ZNF479: variants seen among roughly 807,000 people sequenced by gnomAD.
ZNF479 encodes the protein zinc finger protein 479, also known as KRAB zinc finger protein KR19.
Under a neutral mutation model 14.7 loss-of-function variants are expected in ZNF479, and 15 were observed. The ratio of observed to expected loss-of-function variants is 1.02; its 90% CI spans 0.68 to 1.57. The LOEUF (loss-of-function observed/expected upper bound fraction) is 1.57, where lower values mean the gene tolerates loss of function less well. Among genes scored for constraint, ZNF479 ranks in the 40% most tolerant of loss-of-function variants. The probability of loss-of-function intolerance (pLI) is 0.00; values close to 1 mark genes in which losing one functional copy is unlikely to be tolerated. For synonymous variants in ZNF479, 145 were observed against 211.5 expected, an observed-to-expected ratio of 0.69 and a Z score of 2.73; for missense variants, 506 against 615.1, an observed-to-expected ratio of 0.82 and a Z score of 1.88.
chr7:57,121,649 G>T (rs1401551538), intron 3 of ZNF479, among the ~76,000 whole-genome samples: 1 of 152,194 alleles, frequency 6.6e-6, no homozygotes, highest in Non-Finnish European at 1.5e-5. Flanking sequence ...CTGAGAACAT[G>T]TTTGTGAGAA....
Position 57,121,134 on chromosome 7 carries a change from G to A in ZNF479, c.281C>T (p.Thr94Ile), listed in dbSNP as rs1301715862. 6.2e-7 allele frequency: 1 copy of A among 1,613,622 alleles called. No homozygotes were observed. The highest frequency in any genetic ancestry group is 1.3e-5 in the African/African-American group (1 of 74,828). ...AKHPVTRSHFTQDLQPEQGIK... is the reference protein window; with the variant it reads ...AKHPVTRSHFIQDLQPEQGIK... ...GCCCTGCTCTGGCTGAAGGTCTTGG[G>A]TGAAATGGGAACGCGTAACTGAAAG... Residue 94 changes from threonine to isoleucine, a missense_variant, in exon 4 of 4, where the codon ACC becomes ATC. Transcript: ENST00000319636.
intron 3 of ZNF479, among the ~76,000 whole-genome samples, chr7:57,124,900 CCCA>C (rs1197054694): frequency 1.3e-5 from 2 of 152,074 alleles, no homozygotes; most frequent in Non-Finnish European, 1.5e-5. Flanking sequence ...CATGGTGAAA[CCCA>C]CCACTACTAT....
intron 1 of ZNF479, among the ~76,000 whole-genome samples, chr7:57,132,068 C>T (rs1786451368): frequency 6.6e-6 from 1 of 152,130 alleles, no homozygotes; most frequent in Non-Finnish European, 1.5e-5. Context: ...CAGGGTAAAG[C>T]CACTGCAGAG....
upstream of ZNF479, among the ~76,000 whole-genome samples, chr7:57,134,208 T>A (rs181710260): frequency 2.9e-3 from 434 of 152,228 alleles, no homozygotes; most frequent in Middle Eastern, 0.014. Flanking sequence ...AAATAGAAGA[T>A]TGGCACGAGA....
rs1562844352 is a variant in ZNF479 at position 57,119,862 on chromosome 7, T to C, written c.1553A>G (p.Glu518Gly). ...ATATTATTCACATTTGTAGGGTTTC[T>C]CTCCAGTGTGAATTATCTTATGTTT... ...LAKHKIIHTG[E>G]KPYKCE The change falls in exon 4 of 4, where the codon GAG becomes GGG. Residue 518 changes from glutamate to glycine, a missense_variant. Physicochemically the swap from Glu to Gly is moderately conservative, Grantham distance 98. Around this residue, in one of 3 missense-constraint regions of ZNF479, gnomAD observed 72 missense variants for 97.6 expected, o/e 0.74. Coordinates refer to ENST00000319636, the MANE Select transcript of ZNF479 (RefSeq NM_001370129.2). 6.2e-7 allele frequency: 1 copy of C among 1,613,330 alleles called. No homozygotes were observed. Among genetic ancestry groups the C allele is most frequent in the Non-Finnish European group, 8.5e-7 (1 of 1,179,584 alleles).
At chr7:57,137,889 C>T (rs1430199636) in intron 1 of ZNF479, among the ~76,000 whole-genome samples, 1 of 152,160 alleles carries the variant, frequency 6.6e-6, no homozygotes, top group Non-Finnish European at 1.5e-5. Context: ...TTAGGACCAT[C>T]ACCTATGTTA....
In ZNF479 at chr7:57,124,670, C is replaced by T. The variant is rs555943991; in HGVS notation, c.262+1348G>A. 1.3e-4 allele frequency among the ~76,000 whole-genome samples: 20 copies of T among 152,282 alleles called. No homozygotes were observed. In the South Asian group the frequency reaches 4.1e-3, roughly 32 times the overall value. The stretch of plus-strand genomic sequence containing the variant: ...AACATTTAATACAGTGACAGTGTCT[C>T]CCAAGAAATCGGTGACAATATTTGA... On this transcript the variant is annotated intron_variant, in intron 3 of 3. Coordinates refer to ENST00000319636, the MANE Select transcript of ZNF479 (RefSeq NM_001370129.2).
At chr7:57,128,884 C>G (rs1308305931) in intron 1 of ZNF479, among the ~76,000 whole-genome samples, 1 of 152,166 alleles carries the variant, frequency 6.6e-6, no homozygotes. Context: ...TTTTCCTCCT[C>G]TTTCTCTGAA....
At chr7:57,122,645 C>T (rs1786002274) in intron 3 of ZNF479, among the ~76,000 whole-genome samples, 1 of 152,052 alleles carries the variant, frequency 6.6e-6, no homozygotes, top group African/African-American at 2.4e-5. Context: ...TTCTATGCAA[C>T]TGAAGTCATT....
At chr7:57,138,018 A>T (rs1169769342) in intron 1 of ZNF479, among the ~76,000 whole-genome samples, 1 of 152,168 alleles carries the variant, frequency 6.6e-6, no homozygotes, top group Non-Finnish European at 1.5e-5. Flanking sequence ...GTGGATTGTG[A>T]CATATTGCTT....
At chr7:57,127,394 G>C (rs945718641) in intron 1 of ZNF479, 5 of 205,016 alleles carry the variant, frequency 2.4e-5, no homozygotes, top group African/African-American at 1.2e-4. Flanking sequence ...AGATAGAACA[G>C]TCATGATGAG....
chr7:57,120,094 C>T lies in ZNF479; in HGVS notation c.1321G>A (p.Glu441Lys), dbSNP rs781924092. Residue 441 changes from glutamate to lysine, a missense_variant, in exon 4 of 4, where the codon GAA (glutamate) becomes AAA (lysine). Physicochemically the swap from Glu to Lys is moderately conservative, Grantham distance 56. Transcript: ENST00000319636. Reference sequence around the variant, plus strand: ...GATAAGCTAAAGGCTTTGCCACATTCTTCACATTTGTAGGGTCTCTCTCCA... The same window carrying T: ...GATAAGCTAAAGGCTTTGCCACATTTTTCACATTTGTAGGGTCTCTCTCCA... ...HTGERPYKCE[E>K]CGKAFSLSST... 8 of 1,613,554 alleles carry T rather than the reference C, an allele frequency of 5.0e-6. No homozygotes were observed. The African/African-American group carries it at 1.1e-4, about 22-fold the overall frequency.
chr7:57,120,221 G>T lies in ZNF479; in HGVS notation c.1194C>A (p.Ile398=). The change falls in exon 4 of 4, where the codon ATC becomes ATA. Residue 398 remains isoleucine, a synonymous_variant. Coordinates refer to ENST00000319636, the MANE Select transcript of ZNF479 (RefSeq NM_001370129.2). ...TCTCTCCAGTATGAATTCTCTTGTGGATAGTAAGTGCTGAGGAGCGCCTAA... is the reference window on the plus strand; with the variant it reads ...TCTCTCCAGTATGAATTCTCTTGTGTATAGTAAGTGCTGAGGAGCGCCTAA... The part of the protein sequence containing the change: ...QDFRRSSALT[I]HKRIHTGERP... 1.2e-6 allele frequency: 2 copies of T among 1,605,816 alleles called. No homozygotes were observed. Among genetic ancestry groups the T allele is most frequent in the Non-Finnish European group, 1.7e-6 (2 of 1,177,140 alleles).
At chr7:57,121,535 G>T (rs1382931464) in intron 3 of ZNF479, among the ~76,000 whole-genome samples, 2 of 152,210 alleles carry the variant, frequency 1.3e-5, no homozygotes, top group African/African-American at 2.4e-5. Context: ...ACTGCAGTAT[G>T]ATGGGCAGAA....
At chr7:57,129,058 T>C (rs1786305958) in intron 1 of ZNF479, among the ~76,000 whole-genome samples, 1 of 152,090 alleles carries the variant, frequency 6.6e-6, no homozygotes, top group African/African-American at 2.4e-5. Flanking sequence ...ACTGAAAAGA[T>C]TTAAGAGCAA....
upstream of ZNF479, among the ~76,000 whole-genome samples, chr7:57,134,848 T>C (rs1786576444): frequency 6.6e-6 from 1 of 151,952 alleles, no homozygotes; most frequent in Non-Finnish European, 1.5e-5. Flanking sequence ...CTAATTTTTT[T>C]ATTTTTAGTA....
At chr7:57,138,379 T>C (rs1562854793) in intron 1 of ZNF479, among the ~76,000 whole-genome samples, 1 of 152,172 alleles carries the variant, frequency 6.6e-6, no homozygotes, top group Non-Finnish European at 1.5e-5. Flanking sequence ...CGAGGTAAAA[T>C]TGTGAATCTT....
rs1785789354 is a variant in ZNF479 at position 57,119,045 on chromosome 7, A to G, written c.*795T>C. On this transcript the variant is annotated 3_prime_UTR_variant, in exon 4 of 4. Transcript: ENST00000319636. Reference sequence around the variant, plus strand: ...ATTTTTTAGTGAGTAAGCATGGAGAACCAGTTAAAGGGTTTGCCACATTTT... The same window carrying G: ...ATTTTTTAGTGAGTAAGCATGGAGAGCCAGTTAAAGGGTTTGCCACATTTT... 6.6e-6 allele frequency among the ~76,000 whole-genome samples: 1 copy of G among 152,214 alleles called. No individual in the cohort carries two copies. The highest frequency in any genetic ancestry group is 2.4e-5 in the African/African-American group (1 of 41,468).
intron 1 of ZNF479, among the ~76,000 whole-genome samples, chr7:57,130,921 A>T (rs939174405): frequency 1.3e-5 from 2 of 152,242 alleles, no homozygotes; most frequent in African/African-American, 4.8e-5. Context: ...ATGATGCACT[A>T]TAAGAAAGAA....
Sources: gnomAD v4.1 joint callset for allele counts (sites outside exome capture counted in the v4.1 genomes callset) on GRCh38, gnomAD v4.1.1 for gene constraint, gnomAD v4.1.1 regional missense constraint, MANE v1.5 for transcripts, NCBI Gene and HGNC (gene_info 2026-07-23, HGNC 2026-07-21) for gene names.